Variants in RAB11FIP3 observed in about 807,000 individuals in gnomAD.
RAB11FIP3 encodes RAB11 family interacting protein 3, also known as rab11 family-interacting protein 3.
In RAB11FIP3, 17 loss-of-function variants were observed where a neutral mutation model predicts 77.8. That is an observed-to-expected ratio of 0.22 (90% CI 0.15 to 0.33). The LOEUF is 0.33. Ranked by LOEUF, RAB11FIP3 falls within the 10% of genes least tolerant of loss-of-function variation. The pLI is 1.00. For missense variants in RAB11FIP3, 1,005 were observed against 1,011.2 expected, an observed-to-expected ratio of 0.99 and a Z score of 0.08; for synonymous variants, 437 against 448.2, an observed-to-expected ratio of 0.98 and a Z score of 0.31.
rs2055878234 is a variant in RAB11FIP3 at position 475,112 on chromosome 16, G to A, written c.903+3723G>A. The A allele has an allele frequency of 2.0e-5, 31 of 1,550,372 alleles. No individual in the cohort carries two copies. In the South Asian group the frequency reaches 3.5e-4, roughly 17 times the overall value. ...CAGCATCTGAGGGTAAGAGGAGGCA[G>A]TAGTGTGCACTGTGCCCAGTATTCC... On this transcript the variant is annotated intron_variant, in intron 3 of 13. Transcript: ENST00000262305.
At position 472,122 on chromosome 16, in the gene RAB11FIP3, T is replaced by A. The variant is rs997079260; in HGVS notation, c.903+733T>A. ...GGGCCTGGGCTTCTCATGTCAGTCCTCTGAGCCCTGACTCCTCGAAAGCTG... is the reference window on the plus strand; with the variant it reads ...GGGCCTGGGCTTCTCATGTCAGTCCACTGAGCCCTGACTCCTCGAAAGCTG... On this transcript the variant is annotated intron_variant, in intron 3 of 13. Transcript: ENST00000262305. This position sits in a 1 kb window ranked among gnomAD's most constrained non-coding sequence, Gnocchi z 4.1. Among the ~76,000 whole-genome samples the A allele has an allele frequency of 2.0e-5, 3 of 152,208 alleles. No individual in the cohort carries two copies. Among genetic ancestry groups the A allele is most frequent in the Admixed American group, 2.0e-4 (3 of 15,282 alleles).
At chr16:433,352 C>T (rs973609475) in intron 1 of RAB11FIP3, among the ~76,000 whole-genome samples, 1 of 148,604 alleles carries the variant, frequency 6.7e-6, no homozygotes, top group Non-Finnish European at 1.5e-5. Flanking sequence ...ATTAACCGTG[C>T]TCTTTACCCT....
chr16:459,955 G>A (rs2055576430), intron 1 of RAB11FIP3, among the ~76,000 whole-genome samples: 1 of 150,386 alleles, frequency 6.6e-6, no homozygotes, highest in South Asian at 2.1e-4. Flanking sequence ...TCTGCTCACG[G>A]CAACTTCTGC....
chr16:484,355 C>CT (rs1215175022), intron 4 of RAB11FIP3, among the ~76,000 whole-genome samples: 51 of 146,268 alleles, frequency 3.5e-4, no homozygotes, highest in Middle Eastern at 3.5e-3. Context: ...TGGATTTAGC[C>CT]ATTTTTTTTT....
At position 482,615 on chromosome 16, in the gene RAB11FIP3, G is replaced by A. The variant is rs753027019; in HGVS notation, c.994G>A (p.Val332Met). 2 of 1,613,454 alleles carry A rather than the reference G, an allele frequency of 1.2e-6. No homozygotes were observed. The highest frequency in any genetic ancestry group is 1.3e-5 in the African/African-American group (1 of 74,944). The change falls in exon 4 of 14, where the codon GTG becomes ATG. Residue 332 changes from valine (V) to methionine (M), a missense_variant. By Grantham distance (21) the Val-to-Met change is conservative. Transcript: ENST00000262305. ...TFTDEDTSTL[V>M]HPELQPEGDA... ...CACGGACGAGGACACCAGCACCCTG[G>A]TGCACCCTGAGCTGCAACCTGAAGG...
Position 507,484 on chromosome 16 carries a change from C to T in RAB11FIP3, c.1499+1857C>T, listed in dbSNP as rs1192788872. On this transcript the variant is annotated intron_variant, in intron 8 of 13. Coordinates refer to ENST00000262305, the MANE Select transcript of RAB11FIP3 (RefSeq NM_014700.4). The surrounding 1 kb of genome is among the most constrained non-coding windows in gnomAD (Gnocchi z 4.6). ...CTGGTCTCAAACGCCTGGCCTCAAG[C>T]GATCCTCCCACCTTGGCCCCCCAAA... Among the ~76,000 whole-genome samples, 2 of 152,102 alleles carry T rather than the reference C, an allele frequency of 1.3e-5. No individual in the cohort carries two copies. Among genetic ancestry groups the T allele is most frequent in the South Asian group, 2.1e-4 (1 of 4,822 alleles).
At chr16:475,821 G>A (rs1437749695) in intron 3 of RAB11FIP3, among the ~76,000 whole-genome samples, 1 of 152,218 alleles carries the variant, frequency 6.6e-6, no homozygotes, top group African/African-American at 2.4e-5. Flanking sequence ...GAGCCACTCT[G>A]CAATGGCAGG....
At chr16:457,525 T>G (rs942935467) in intron 1 of RAB11FIP3, among the ~76,000 whole-genome samples, 1 of 151,990 alleles carries the variant, frequency 6.6e-6, no homozygotes, top group African/African-American at 2.4e-5. Flanking sequence ...TTTTTTTTTT[T>G]TGAAAGCCTC....
intron 4 of RAB11FIP3, among the ~76,000 whole-genome samples, chr16:487,379 C>A (rs1322890317): frequency 2.0e-5 from 3 of 152,154 alleles, no homozygotes; most frequent in Admixed American, 1.3e-4. Context: ...GCCTCGGCCT[C>A]CCAAAGTGCT....
rs1269521944 is a variant in RAB11FIP3 at position 432,602 on chromosome 16, TTGTGTG to T, written c.714+5895_714+5900del. Among the ~76,000 whole-genome samples the T allele has an allele frequency of 5.2e-3, 746 of 143,894 alleles. 5 individuals carry two copies. Among genetic ancestry groups the T allele is most frequent in the African/African-American group, 0.018 (705 of 38,308 alleles). The allele number at this position is 143,894 out of a possible 152,430, so 94.4% of individuals were successfully genotyped here. A position where few individuals can be genotyped will look rare whatever the true frequency, so the allele number is the denominator to read the frequency against. On this transcript the variant is annotated intron_variant, in intron 1 of 13. Coordinates refer to ENST00000262305, the MANE Select transcript of RAB11FIP3 (RefSeq NM_014700.4). Reference sequence around the variant, plus strand: ...TTTTGACCTGGTTTTTTTTTTTTTTTTGTGTGTGTGTGTGTGTGACAGGGTCTCGCT... The same window carrying T: ...TTTTGACCTGGTTTTTTTTTTTTTTTTGTGTGTGTGTGACAGGGTCTCGCT...
At chr16:446,725 T>G (rs912136183) in intron 1 of RAB11FIP3, among the ~76,000 whole-genome samples, 6 of 152,084 alleles carry the variant, frequency 3.9e-5, no homozygotes, top group African/African-American at 1.4e-4. Context: ...AGACGCACTC[T>G]CGCTCTGTCG....
At chr16:518,890 C>T in intron 9 of RAB11FIP3, 53 bp from the exon 10 acceptor site, 3 of 1,586,570 alleles carry the variant, frequency 1.9e-6, no homozygotes, top group South Asian at 1.1e-5. Context: ...GCACACTGGC[C>T]CTGTAGAGGC....
At chr16:501,268 C>A (rs1357209810) in intron 6 of RAB11FIP3, among the ~76,000 whole-genome samples, 1 of 152,256 alleles carries the variant, frequency 6.6e-6, no homozygotes, top group African/African-American at 2.4e-5. Flanking sequence ...TTGGTTAAAC[C>A]TCAGTTGCCT....
chr16:487,864 C>T (rs2056189414), intron 4 of RAB11FIP3, among the ~76,000 whole-genome samples: 1 of 152,162 alleles, frequency 6.6e-6, no homozygotes, highest in South Asian at 2.1e-4. Flanking sequence ...TACGTTTTAG[C>T]TTAAAGTAGA....
rs752259728 is a variant in RAB11FIP3 at position 480,286 on chromosome 16, C to CAAAAAAAAGAAAAAAAAAA, written c.904-2231_904-2230insGAAAAAAAAAAAAAAAAAA. ...GGCAGGAAGAGTAAAACTCCTTCTC[C>CAAAAAAAAGAAAAAAAAAA]AAAAAAAAAAAAAAAAAAAAGTTGA... On this transcript the variant is annotated intron_variant, in intron 3 of 13. Transcript: ENST00000262305. 2.2e-4 allele frequency among the ~76,000 whole-genome samples: 18 copies of CAAAAAAAAGAAAAAAAAAA among 80,024 alleles called. 1 individual carries two copies. The highest frequency in any genetic ancestry group is 7.7e-4 in the African/African-American group (16 of 20,760). 52.5% of individuals were successfully genotyped at this position (80,024 alleles called of 152,430 possible). A position where few individuals can be genotyped will look rare whatever the true frequency, so the allele number is the denominator to read the frequency against.
chr16:492,780 G>A (rs1462488828), intron 5 of RAB11FIP3, among the ~76,000 whole-genome samples: 4 of 152,148 alleles, frequency 2.6e-5, no homozygotes, highest in African/African-American at 9.7e-5. Context: ...CTCATTTTCT[G>A]AAGATTTTTG....
chr16:493,251 CAAAAA>C (rs71139788), intron 5 of RAB11FIP3, among the ~76,000 whole-genome samples: 6 of 102,430 alleles, frequency 5.9e-5, no homozygotes, highest in Non-Finnish European at 4.0e-5. Flanking sequence ...ACTCTGACTC[CAAAAA>C]AAAAAAAAAA....
intron 2 of RAB11FIP3, among the ~76,000 whole-genome samples, chr16:468,243 G>T (rs2055747893): frequency 6.8e-6 from 1 of 147,692 alleles, no homozygotes; most frequent in South Asian, 2.1e-4. Context: ...AGGAGGTGCT[G>T]GGGCGTCAGG....
chr16:480,146 G>A (rs909763373), intron 3 of RAB11FIP3, among the ~76,000 whole-genome samples: 5 of 151,424 alleles, frequency 3.3e-5, no homozygotes, highest in Admixed American at 2.6e-4. Flanking sequence ...AATTAGTGGC[G>A]TGGTGGCACG....
Sources: gnomAD v4.1 joint callset for allele counts (sites outside exome capture counted in the v4.1 genomes callset) on GRCh38, gnomAD v4.1.1 for gene constraint, Gnocchi (gnomAD v3.1) non-coding constraint, MANE v1.5 for transcripts, NCBI Gene and HGNC (gene_info 2026-07-23, HGNC 2026-07-21) for gene names.